PRKG1: variants seen among roughly 807,000 people sequenced by gnomAD.
The protein encoded by PRKG1 is protein kinase cGMP-dependent 1, also known as cGMP-dependent protein kinase 1.
Under a neutral mutation model 88.1 loss-of-function variants are expected in PRKG1, and 35 were observed. The observed-to-expected ratio is 0.40, with a 90% CI of 0.30 to 0.53. The LOEUF (loss-of-function observed/expected upper bound fraction) is 0.53. Among genes scored for constraint, PRKG1 ranks in the 20% least tolerant of loss-of-function variants. The pLI, the probability that PRKG1 is intolerant of heterozygous loss-of-function variation, is 0.59. For missense variants in PRKG1, 540 were observed against 839.8 expected (o/e 0.64, Z 4.41); for synonymous variants, 303 against 292.5 (o/e 1.04, Z -0.37).
Position 50,991,038 on chromosome 10 carries a change from A to AG in PRKG1, c.-336dup, listed in dbSNP as rs567181294. 120 of 225,458 alleles carry AG rather than the reference A, an allele frequency of 5.3e-4. 4 individuals are homozygous for AG. The South Asian group carries it at 8.1e-3, about 15-fold the overall frequency. The allele number at this position is 225,458 out of a possible 1,614,324, so 14.0% of individuals were successfully genotyped here. ...AGTGACTAGGAGAGGGGGACGAGGG[A>AG]GGGGGTCTCAGGGGAGGAAGGGCAG... is the stretch of plus-strand genomic sequence containing the variant. On this transcript the variant is annotated 5_prime_UTR_variant, in exon 1 of 18. Transcript: ENST00000401604. This position sits in a 1 kb window ranked among gnomAD's most constrained non-coding sequence, Gnocchi z 4.5.
intron 5 of PRKG1, among the ~76,000 whole-genome samples, chr10:51,991,697 A>G (rs1844312271): frequency 6.6e-6 from 1 of 152,172 alleles, no homozygotes; most frequent in Non-Finnish European, 1.5e-5. Flanking sequence ...ATATCCCTAC[A>G]AAGGACATGA....
At chr10:51,692,078 G>T (rs1358502573) in intron 3 of PRKG1, among the ~76,000 whole-genome samples, 1 of 152,072 alleles carries the variant, frequency 6.6e-6, no homozygotes, top group Non-Finnish European at 1.5e-5. Flanking sequence ...GTTGATGGTT[G>T]TATTTACTCT....
chr10:51,693,510 T>A (rs1243341942), intron 3 of PRKG1, among the ~76,000 whole-genome samples: 1 of 151,984 alleles, frequency 6.6e-6, no homozygotes, highest in Non-Finnish European at 1.5e-5. Flanking sequence ...CAAGTGCTTC[T>A]CGTGCCTCAG....
chr10:52,262,260 GT>G (rs111966707), intron 10 of PRKG1, among the ~76,000 whole-genome samples: 31 of 151,438 alleles, frequency 2.0e-4, no homozygotes, highest in African/African-American at 6.8e-4. Context: ...TATGAAGCTG[GT>G]TTTTTTTGTT....
At position 51,136,522 on chromosome 10, in the gene PRKG1, G is replaced by A. The variant is rs941317294; in HGVS notation, c.312-16642G>A. Among the ~76,000 whole-genome samples the A allele has an allele frequency of 2.1e-5, 3 of 143,218 alleles. No homozygotes were observed. In the Admixed American group the frequency reaches 2.2e-4, roughly 10 times the overall value. 94.0% of individuals were successfully genotyped at this position (143,218 alleles called of 152,430 possible). On this transcript the variant is annotated intron_variant, in intron 1 of 17. Coordinates refer to ENST00000373980, the MANE Select transcript of PRKG1 (RefSeq NM_006258.4). ...AAAATATTAAGTGGTTTGGGAAGAAGAATGAGCTGGTAAAGAGACTGAGAG... is the reference window on the plus strand; with the variant it reads ...AAAATATTAAGTGGTTTGGGAAGAAAAATGAGCTGGTAAAGAGACTGAGAG...
At chr10:51,140,619 G>A (rs560817296) in intron 1 of PRKG1, among the ~76,000 whole-genome samples, 107 of 152,220 alleles carry the variant, frequency 7.0e-4, no homozygotes, top group African/African-American at 2.2e-3. Context: ...TGAAAATATC[G>A]TATACTCAAA....
At chr10:52,239,754 T>C (rs1165042301) in intron 9 of PRKG1, among the ~76,000 whole-genome samples, 2 of 152,086 alleles carry the variant, frequency 1.3e-5, no homozygotes, top group East Asian at 3.9e-4. Flanking sequence ...TGAAATCTGA[T>C]TGTGGTTTTT....
At chr10:51,938,761 T>C (rs1418505550) in intron 5 of PRKG1, among the ~76,000 whole-genome samples, 3 of 151,966 alleles carry the variant, frequency 2.0e-5, no homozygotes, top group Non-Finnish European at 2.9e-5. Context: ...GTCCCACTTT[T>C]GCTATTTCCC....
chr10:52,047,387 G>A (rs1411760687), intron 5 of PRKG1, among the ~76,000 whole-genome samples: 1 of 152,088 alleles, frequency 6.6e-6, no homozygotes, highest in African/African-American at 2.4e-5. Context: ...CTACTTCTGT[G>A]ATGAAATCTG....
chr10:51,513,099 C>T (rs894213230), intron 3 of PRKG1, among the ~76,000 whole-genome samples: 17 of 151,750 alleles, frequency 1.1e-4, no homozygotes, highest in Admixed American at 2.0e-4. Context: ...ATATTAGCCC[C>T]CATCTCATGT....
intron 5 of PRKG1, among the ~76,000 whole-genome samples, chr10:52,048,175 G>T (rs1348190184): frequency 6.6e-6 from 1 of 151,896 alleles, no homozygotes; most frequent in African/African-American, 2.4e-5. Flanking sequence ...GATGATCTAT[G>T]CTTTAATAAA....
Position 51,452,401 on chromosome 10 carries a change from C to G in PRKG1, c.479-15322C>G, listed in dbSNP as rs117986674. On this transcript the variant is annotated intron_variant, in intron 2 of 17. Coordinates refer to ENST00000373980, the MANE Select transcript of PRKG1 (RefSeq NM_006258.4). ...AGGGGGAATGCTTTCAACTTTTCCC[C>G]ATTCAGTGTGGTGTTGGCTGTGCGT... 9.4e-3 allele frequency among the ~76,000 whole-genome samples: 1,430 copies of G among 151,974 alleles called. 23 individuals are homozygous for G. Among genetic ancestry groups the G allele is most frequent in the Non-Finnish European group, 0.015 (1,042 of 67,864 alleles).
At chr10:51,330,597 T>G (rs973526016) in intron 2 of PRKG1, among the ~76,000 whole-genome samples, 1 of 152,252 alleles carries the variant, frequency 6.6e-6, no homozygotes, top group Non-Finnish European at 1.5e-5. Context: ...TTGTTTCTTC[T>G]GCATGATCTT....
intron 4 of PRKG1, among the ~76,000 whole-genome samples, chr10:51,895,386 G>T (rs1323770610): frequency 1.3e-5 from 2 of 152,130 alleles, no homozygotes; most frequent in Non-Finnish European, 2.9e-5. Context: ...TAAGAATCAG[G>T]ACCTTGGGAT....
chr10:52,003,972 A>ATGTGAATAACAATAACTGTC (rs745975519), intron 5 of PRKG1, among the ~76,000 whole-genome samples: 150 of 152,326 alleles, frequency 9.8e-4, no homozygotes, highest in South Asian at 3.5e-3. Context: ...CATCTGTAAA[A>ATGTGAATAACAATAACTGTC]TGTGAATAAC....
At chr10:52,141,640 T>C (rs1837584203) in intron 8 of PRKG1, among the ~76,000 whole-genome samples, 1 of 152,178 alleles carries the variant, frequency 6.6e-6, no homozygotes, top group African/African-American at 2.4e-5. Flanking sequence ...TTACAAAGGT[T>C]CTCTTTAGTA....
chr10:51,923,893 A>G (rs888669675), intron 5 of PRKG1, among the ~76,000 whole-genome samples: 6 of 151,922 alleles, frequency 3.9e-5, no homozygotes, highest in Non-Finnish European at 7.4e-5. Context: ...CAGTGATGCA[A>G]TCACAGCTCA....
At position 51,908,734 on chromosome 10, in the gene PRKG1, A is replaced by ATATATATTTTT. The variant is rs563212069; in HGVS notation, c.762+1165_762+1166insATATATTTTTT. 5.4e-4 allele frequency: 28 copies of ATATATATTTTT among 52,168 alleles called. 1 individual carries two copies. The highest frequency in any genetic ancestry group is 0.01 in the Middle Eastern group (1 of 100). 3.2% of individuals were successfully genotyped at this position (52,168 alleles called of 1,614,324 possible). The stretch of plus-strand genomic sequence containing the variant: ...CTCTCTGTCTATCTATCTATATGTA[A>ATATATATTTTT]TTTTTTTTTTTTTGAGACAGTGTCT... On this transcript the variant is annotated intron_variant, in intron 5 of 17. Transcript: ENST00000373980.
At chr10:51,527,931 G>C (rs987831419) in intron 3 of PRKG1, among the ~76,000 whole-genome samples, 1 of 152,184 alleles carries the variant, frequency 6.6e-6, no homozygotes, top group Non-Finnish European at 1.5e-5. Context: ...GCTCCTTCTC[G>C]GGTTGTGACT....
Sources: allele counts gnomAD v4.1 joint callset (sites outside exome capture counted in the v4.1 genomes callset), GRCh38; gene constraint gnomAD v4.1.1; non-coding constraint Gnocchi (gnomAD v3.1); transcripts MANE v1.5; gene names NCBI Gene and HGNC (gene_info 2026-07-23, HGNC 2026-07-21).